The following ZDHHC14 variants were observed in gnomAD, a reference collection of about 807,000 sequenced individuals.
ZDHHC14 encodes the protein zDHHC palmitoyltransferase 14.
In ZDHHC14, 16 loss-of-function variants were observed where a neutral mutation model predicts 47.7. That is an observed-to-expected ratio of 0.34 (90% CI 0.23 to 0.51). ZDHHC14 has a LOEUF of 0.51. Among genes scored for constraint, ZDHHC14 ranks in the 20% least tolerant of loss-of-function variants. The pLI is 0.97. For missense variants in ZDHHC14, 515 were observed against 662.5 expected, an observed-to-expected ratio of 0.78 and a Z score of 2.44; for synonymous variants, 293 against 278.9, an observed-to-expected ratio of 1.05 and a Z score of -0.50.
chr6:157,527,047 T>C (rs1428185606), intron 1 of ZDHHC14, among the ~76,000 whole-genome samples: 1 of 152,154 alleles, frequency 6.6e-6, no homozygotes, highest in Non-Finnish European at 1.5e-5. Context: ...AGTAGTAGTT[T>C]ATAATACTGT....
chr6:157,437,265 C>T (rs190741633), intron 1 of ZDHHC14, among the ~76,000 whole-genome samples: 2 of 152,204 alleles, frequency 1.3e-5, no homozygotes, highest in South Asian at 4.1e-4. Context: ...TCAGAGGGCA[C>T]CTGCAGGGGC....
At chr6:157,625,919 C>T (rs903882934) in intron 3 of ZDHHC14, among the ~76,000 whole-genome samples, 3 of 152,258 alleles carry the variant, frequency 2.0e-5, no homozygotes, top group African/African-American at 2.4e-5. Context: ...ATCTCTAAGA[C>T]GGCGCTGGTT....
chr6:157,426,732 T>A (rs184871102), intron 1 of ZDHHC14, among the ~76,000 whole-genome samples: 26 of 152,126 alleles, frequency 1.7e-4, no homozygotes, highest in Admixed American at 1.4e-3. Context: ...GATGGGGAGC[T>A]GGAAGCCGCA....
intron 2 of ZDHHC14, among the ~76,000 whole-genome samples, chr6:157,567,121 A>G (rs34421207): frequency 0.57 from 86,773 of 151,802 alleles, 26,481 homozygotes; most frequent in African/African-American, 0.81. Context: ...CAAAGTGCTG[A>G]GATTACACGC....
chr6:157,523,584 A>G (rs1781039299), intron 1 of ZDHHC14, among the ~76,000 whole-genome samples: 1 of 152,152 alleles, frequency 6.6e-6, no homozygotes, highest in South Asian at 2.1e-4. Context: ...GGGAAATAAT[A>G]TACTTTAAAT....
rs1268037700 is a variant in ZDHHC14 at position 157,590,173 on chromosome 6, C to T, written c.407-2815C>T. On this transcript the variant is annotated intron_variant, in intron 2 of 8. Coordinates refer to ENST00000359775, the MANE Select transcript of ZDHHC14 (RefSeq NM_024630.3). ...ACGTTTGGAAAATTTGTAGCCAGATCATGCAGCAGAAAAGAAAAACCCATT... is the reference window on the plus strand; with the variant it reads ...ACGTTTGGAAAATTTGTAGCCAGATTATGCAGCAGAAAAGAAAAACCCATT... Among the ~76,000 whole-genome samples the T allele has an allele frequency of 2.0e-5, 3 of 152,126 alleles. No homozygotes were observed. In the East Asian group the frequency reaches 5.8e-4, roughly 29 times the overall value.
intron 2 of ZDHHC14, among the ~76,000 whole-genome samples, chr6:157,577,682 T>A (rs1783356567): frequency 6.6e-6 from 1 of 152,216 alleles, no homozygotes; most frequent in African/African-American, 2.4e-5. Context: ...CCCAAGTAGC[T>A]GGGATTACAG....
chr6:157,407,336 G>A (rs1438837646), intron 1 of ZDHHC14, among the ~76,000 whole-genome samples: 3 of 152,284 alleles, frequency 2.0e-5, no homozygotes, highest in East Asian at 3.9e-4. Context: ...CTGTGTATAG[G>A]CAGCAGCGCA....
intron 5 of ZDHHC14, among the ~76,000 whole-genome samples, chr6:157,644,629 A>G (rs1777431631): frequency 6.6e-6 from 1 of 152,242 alleles, no homozygotes. Flanking sequence ...TAATGTGCTC[A>G]GCCCTCTGGT....
chr6:157,565,042 C>T (rs62423193), intron 2 of ZDHHC14, among the ~76,000 whole-genome samples: 2,596 of 152,196 alleles, frequency 0.017, 31 homozygotes, highest in Middle Eastern at 0.058. Context: ...CTCAGGAGTT[C>T]GAGGCCAGCC....
At chr6:157,653,124 G>A (rs528512082) in intron 7 of ZDHHC14, among the ~76,000 whole-genome samples, 1 of 152,326 alleles carries the variant, frequency 6.6e-6, no homozygotes, top group Admixed American at 6.5e-5. Context: ...CGCTACACTG[G>A]CACTAGCAGG....
At chr6:157,403,270 T>G (rs1777680848) in intron 1 of ZDHHC14, among the ~76,000 whole-genome samples, 1 of 152,254 alleles carries the variant, frequency 6.6e-6, no homozygotes, top group South Asian at 2.1e-4. Context: ...AATACTATTG[T>G]CATGCTCCAC....
At chr6:157,492,449 A>G (rs990306872) in intron 1 of ZDHHC14, among the ~76,000 whole-genome samples, 1 of 151,844 alleles carries the variant, frequency 6.6e-6, no homozygotes, top group Admixed American at 6.5e-5. Context: ...GAAAGCGGGA[A>G]AGCGGGAAGG....
chr6:157,458,991 A>G, intron 1 of ZDHHC14, among the ~76,000 whole-genome samples: 1 of 151,508 alleles, frequency 6.6e-6, no homozygotes, highest in Non-Finnish European at 1.5e-5. Context: ...AGTAGATTAC[A>G]GGCATGCACC....
intron 8 of ZDHHC14, among the ~76,000 whole-genome samples, chr6:157,670,477 A>G (rs1370162276): frequency 2.0e-5 from 3 of 151,952 alleles, no homozygotes; most frequent in Admixed American, 1.3e-4. Context: ...TATTTTTTGT[A>G]GAGATGAGGT....
intron 8 of ZDHHC14, among the ~76,000 whole-genome samples, chr6:157,667,534 G>C (rs1381388881): frequency 6.6e-6 from 1 of 151,312 alleles, no homozygotes; most frequent in African/African-American, 2.4e-5. Flanking sequence ...TAGAGGGGAA[G>C]AGAGTTGGTG....
At chr6:157,550,281 C>T (rs916655578) in intron 2 of ZDHHC14, among the ~76,000 whole-genome samples, 1 of 152,092 alleles carries the variant, frequency 6.6e-6, no homozygotes, top group Non-Finnish European at 1.5e-5. Context: ...CACAGCATCA[C>T]AAGACACGCT....
intron 3 of ZDHHC14, among the ~76,000 whole-genome samples, chr6:157,607,328 A>AT (rs893639793): frequency 2.9e-4 from 44 of 152,256 alleles, no homozygotes; most frequent in African/African-American, 1.0e-3. Context: ...GTTTGTGTAG[A>AT]TTTTTTTCAA....
intron 3 of ZDHHC14, among the ~76,000 whole-genome samples, chr6:157,605,286 T>C (rs910424642): frequency 2.0e-5 from 3 of 152,220 alleles, no homozygotes; most frequent in South Asian, 4.1e-4. Flanking sequence ...AATGGAAAGA[T>C]TATATTTTGG....
Sources: gnomAD v4.1 joint callset for allele counts (sites outside exome capture counted in the v4.1 genomes callset) on GRCh38, gnomAD v4.1.1 for gene constraint, MANE v1.5 for transcripts, NCBI Gene and HGNC (gene_info 2026-07-23, HGNC 2026-07-21) for gene names.